ITGB6: variants seen among roughly 807,000 people sequenced by gnomAD.
The protein encoded by ITGB6 is integrin subunit beta 6.
In ITGB6, 80 loss-of-function variants were observed where a neutral mutation model predicts 84.5. That is an observed-to-expected ratio of 0.95 (90% CI 0.79 to 1.14). ITGB6 has a LOEUF of 1.14. Ranked by LOEUF, ITGB6 falls within the 50% of genes most tolerant of loss-of-function variation. The pLI is 0.00. For missense variants in ITGB6, 1,006 were observed against 968.0 expected, an observed-to-expected ratio of 1.04 and a Z score of -0.52; for synonymous variants, 383 against 354.9, an observed-to-expected ratio of 1.08 and a Z score of -0.89.
chr2:160,169,156 A>G lies in ITGB6; in HGVS notation c.1017+56T>C, dbSNP rs1685109304. ...GTGTTAAACTCACAGAGTTAATGTTAAAGTTTCATGTCACATAATCTCCTT... is the reference window on the plus strand; with the variant it reads ...GTGTTAAACTCACAGAGTTAATGTTGAAGTTTCATGTCACATAATCTCCTT... On this transcript the variant is annotated intron_variant, in intron 7 of 14. Transcript: ENST00000283249. 4 of 990,898 alleles carry G rather than the reference A, an allele frequency of 4.0e-6. No homozygotes were observed. In the South Asian group the frequency reaches 5.9e-5, roughly 15 times the overall value. 61.4% of individuals were successfully genotyped at this position (990,898 alleles called of 1,614,324 possible).
At chr2:160,119,197 C>T (rs1359826863) in intron 12 of ITGB6, among the ~76,000 whole-genome samples, 1 of 152,084 alleles carries the variant, frequency 6.6e-6, no homozygotes, top group Admixed American at 6.6e-5. Flanking sequence ...AAAAAGAGCC[C>T]GCGTCACCAA....
intron 4 of ITGB6, among the ~76,000 whole-genome samples, chr2:160,183,706 C>T (rs1024824281): frequency 6.6e-6 from 1 of 152,130 alleles, no homozygotes; most frequent in Non-Finnish European, 1.5e-5. Context: ...AGCACCAAGT[C>T]GCACTTATTC....
At chr2:160,112,007 G>T in intron 13 of ITGB6, 73 bp downstream of exon 13, 2 of 1,468,218 alleles carry the variant, frequency 1.4e-6, no homozygotes, top group Non-Finnish European at 1.9e-6. Flanking sequence ...GCTACCCAGA[G>T]CGATTTTCTG....
Position 160,200,067 on chromosome 2 carries a change from T to C in ITGB6, c.-4A>G. On this transcript the variant is annotated 5_prime_UTR_variant, in exon 1 of 15. Transcript: ENST00000283249. Reference sequence around the variant, plus strand: ...GGCAAAGCAGTTCAATCCCCATTCGTTTCAGTTCTTGCTGTGCAGACCGAT... The same window carrying C: ...GGCAAAGCAGTTCAATCCCCATTCGCTTCAGTTCTTGCTGTGCAGACCGAT... 6.2e-7 allele frequency: 1 copy of C among 1,613,586 alleles called. No homozygotes were observed. Among genetic ancestry groups the C allele is most frequent in the Non-Finnish European group, 8.5e-7 (1 of 1,179,552 alleles).
At chr2:160,163,384 C>A (rs1330389915) in intron 7 of ITGB6, among the ~76,000 whole-genome samples, 2 of 152,130 alleles carry the variant, frequency 1.3e-5, no homozygotes, top group Non-Finnish European at 2.9e-5. Context: ...GTAATTCCAG[C>A]ATTTTGGGAA....
chr2:160,121,928 G>T (rs1203988120), intron 12 of ITGB6, among the ~76,000 whole-genome samples: 4 of 150,298 alleles, frequency 2.7e-5, no homozygotes, highest in Admixed American at 2.7e-4. Context: ...TACTCCCCAG[G>T]AGTAAAATAA....
At chr2:160,180,628 A>T (rs1685627057) in intron 4 of ITGB6, among the ~76,000 whole-genome samples, 1 of 152,188 alleles carries the variant, frequency 6.6e-6, no homozygotes, top group Non-Finnish European at 1.5e-5. Flanking sequence ...TAATTCAGAG[A>T]TGTCATTTGC....
Position 160,101,642 on chromosome 2 carries a change from CA to C in ITGB6, c.*93del. 1 of 760,074 alleles carries C rather than the reference CA, an allele frequency of 1.3e-6. No homozygotes were observed. The highest frequency in any genetic ancestry group is 2.6e-5 in the East Asian group (1 of 38,780). 47.1% of individuals were successfully genotyped at this position (760,074 alleles called of 1,614,324 possible). A position where few individuals can be genotyped will look rare whatever the true frequency, so the allele number is the denominator to read the frequency against. On this transcript the variant is annotated 3_prime_UTR_variant, in exon 15 of 15. Coordinates refer to ENST00000283249, the MANE Select transcript of ITGB6 (RefSeq NM_000888.5). ...CAGATGTCCTATTATTATCTTAAAC[CA>C]ACCTCATTTTGAAGCAACAAAGAGA...
intron 6 of ITGB6, among the ~76,000 whole-genome samples, chr2:160,171,099 G>A (rs1212528802): frequency 6.6e-6 from 1 of 152,126 alleles, no homozygotes; most frequent in Non-Finnish European, 1.5e-5. Flanking sequence ...AGAAATTTAG[G>A]TCAAGGAATA....
intron 11 of ITGB6, 111 bp downstream of exon 11, chr2:160,126,268 G>T (rs1683237010): frequency 4.1e-6 from 4 of 967,986 alleles, no homozygotes; most frequent in Non-Finnish European, 6.3e-6. Context: ...ATGGATGTTT[G>T]GAGACCAAAC....
intron 13 of ITGB6, among the ~76,000 whole-genome samples, chr2:160,108,312 A>G (rs1282445616): frequency 6.6e-6 from 1 of 151,716 alleles, no homozygotes. Context: ...CTAGAAGACT[A>G]TATTAAAAGT....
chr2:160,166,967 C>T (rs543066475), intron 7 of ITGB6, among the ~76,000 whole-genome samples: 1 of 152,316 alleles, frequency 6.6e-6, no homozygotes, highest in African/African-American at 2.4e-5. Context: ...ATTTTATTTG[C>T]TGCAGACAGG....
intron 4 of ITGB6, among the ~76,000 whole-genome samples, chr2:160,187,091 C>T (rs530745699): frequency 2.6e-5 from 4 of 151,856 alleles, no homozygotes; most frequent in African/African-American, 4.8e-5. Context: ...GTTCTGCAAA[C>T]GTATCTTAGA....
Position 160,101,634 on chromosome 2 carries a change from T to G in ITGB6, c.*102A>C, listed in dbSNP as rs7586751. On this transcript the variant is annotated 3_prime_UTR_variant, in exon 15 of 15. Coordinates refer to ENST00000283249, the MANE Select transcript of ITGB6 (RefSeq NM_000888.5). ...CTTATCTGCAGATGTCCTATTATTA[T>G]CTTAAACCAACCTCATTTTGAAGCA... The G allele has an allele frequency of 4.6e-5, 34 of 734,042 alleles. No homozygotes were observed. The Admixed American group carries it at 6.9e-4, about 15-fold the overall frequency. The allele number at this position is 734,042 out of a possible 1,614,324, so 45.5% of individuals were successfully genotyped here.
intron 4 of ITGB6, among the ~76,000 whole-genome samples, chr2:160,182,425 A>C (rs1190954739): frequency 1.3e-5 from 2 of 152,206 alleles, no homozygotes; most frequent in African/African-American, 4.8e-5. Flanking sequence ...GAAATAAAGC[A>C]TGAAGACAAG....
intron 4 of ITGB6, among the ~76,000 whole-genome samples, chr2:160,188,487 C>A (rs888157191): frequency 6.6e-6 from 1 of 152,138 alleles, no homozygotes; most frequent in Non-Finnish European, 1.5e-5. Flanking sequence ...GCACCCCCTG[C>A]AGTGCTCTGG....
intron 7 of ITGB6, among the ~76,000 whole-genome samples, chr2:160,149,377 G>A (rs1400453739): frequency 6.6e-6 from 1 of 152,136 alleles, no homozygotes; most frequent in African/African-American, 2.4e-5. Flanking sequence ...ACTGTTAGAA[G>A]GAAAACTAAC....
At chr2:160,189,519 C>T (rs1686050001) in intron 4 of ITGB6, among the ~76,000 whole-genome samples, 1 of 152,158 alleles carries the variant, frequency 6.6e-6, no homozygotes, top group African/African-American at 2.4e-5. Context: ...AAAAAACAAA[C>T]AACCCCATCA....
intron 7 of ITGB6, among the ~76,000 whole-genome samples, chr2:160,162,262 A>T (rs1363540754): frequency 6.6e-6 from 1 of 152,218 alleles, no homozygotes; most frequent in African/African-American, 2.4e-5. Context: ...CCCCAAATAT[A>T]TAACATTGAG....
Sources: allele counts gnomAD v4.1 joint callset (sites outside exome capture counted in the v4.1 genomes callset), GRCh38; gene constraint gnomAD v4.1.1; transcripts MANE v1.5; gene names NCBI Gene and HGNC (gene_info 2026-07-23, HGNC 2026-07-21).